BRWD1: variants seen among roughly 807,000 people sequenced by gnomAD.
The protein encoded by BRWD1 is bromodomain and WD repeat domain containing 1.
A neutral mutation model predicts 251.2 loss-of-function variants in BRWD1; 82 were observed. The observed-to-expected ratio is 0.33, with a 90% CI of 0.27 to 0.39. The LOEUF (loss-of-function observed/expected upper bound fraction) is 0.39, where lower values mean the gene tolerates loss of function less well. BRWD1 is among the 10% of genes least tolerant of loss of function. The pLI is 1.00. For missense variants in BRWD1, 2,233 were observed against 2,711.6 expected, an observed-to-expected ratio of 0.82 and a Z score of 3.92; for synonymous variants, 918 against 902.8, an observed-to-expected ratio of 1.02 and a Z score of -0.30.
rs537878751 is a variant in BRWD1, at chr21:39,236,335, G to A, written c.2766+260C>T. Among the ~76,000 whole-genome samples the A allele has an allele frequency of 5.9e-5, 9 of 152,088 alleles. No homozygotes were observed. In the East Asian group the frequency reaches 1.4e-3, roughly 23 times the overall value. Reference sequence around the variant, plus strand: ...GGCCCCAGAGCTCCTGCTATCCACAGGGGTTGAAAGTAGGAGACAGAGGAG... The same window carrying A: ...GGCCCCAGAGCTCCTGCTATCCACAAGGGTTGAAAGTAGGAGACAGAGGAG... On this transcript the variant is annotated intron_variant, in intron 23 of 40. Coordinates refer to ENST00000342449, the MANE Select transcript of BRWD1 (RefSeq NM_033656.4).
Position 39,196,533 on chromosome 21 carries a change from C to T in BRWD1, c.6536G>A (p.Arg2179Lys). The T allele has an allele frequency of 6.2e-7, 1 of 1,613,526 alleles. No individual in the cohort carries two copies. Among genetic ancestry groups the T allele is most frequent in the Non-Finnish European group, 8.5e-7 (1 of 1,179,756 alleles). ...TACTTTTGCTTTTCCTTTCGTTTTC[C>T]TCCTTTTGGTTTTTGTATTATCAGT... ...DCTDNTKTKR[R>K]KTKGKAKVVR... is the part of the protein sequence containing the mutation. Residue 2179 changes from arginine to lysine, a missense_variant, in exon 41 of 41, where the codon AGG (arginine) becomes AAG (lysine). Arg to Lys is a conservative substitution (Grantham distance 26). Coordinates refer to ENST00000342449, the MANE Select transcript of BRWD1 (RefSeq NM_033656.4).
chr21:39,190,861 A>AT lies in BRWD1; in HGVS notation c.*5397dup, dbSNP rs908440406. 2 of 985,210 alleles carry AT rather than the reference A, an allele frequency of 2.0e-6. No homozygotes were observed. Among genetic ancestry groups the AT allele is most frequent in the Non-Finnish European group, 2.4e-6 (2 of 829,890 alleles). 61.0% of individuals were successfully genotyped at this position (985,210 alleles called of 1,614,324 possible). On this transcript the variant is annotated 3_prime_UTR_variant, in exon 41 of 41. Coordinates refer to ENST00000342449, the MANE Select transcript of BRWD1 (RefSeq NM_033656.4). ...CATGAACTAGTTCATTAGCTTATTCATTTTTAGGGTTCATTTACTCAATGA... is the reference window on the plus strand; with the variant it reads ...CATGAACTAGTTCATTAGCTTATTCATTTTTTAGGGTTCATTTACTCAATGA...
rs1405144877 is a variant in BRWD1 at position 39,190,180 on chromosome 21, A to G, written c.*6079T>C. The G allele has an allele frequency of 4.1e-6, 4 of 984,670 alleles. No homozygotes were observed. Among genetic ancestry groups the G allele is most frequent in the Non-Finnish European group, 3.6e-6 (3 of 829,364 alleles). 61.0% of individuals were successfully genotyped at this position (984,670 alleles called of 1,614,324 possible). ...ATACAAACATAACAGTTCTGACTCA[A>G]CACAATCTCTAGTTTCTACATTTCA... On this transcript the variant is annotated 3_prime_UTR_variant, in exon 41 of 41. Transcript: ENST00000342449.
In BRWD1 at chr21:39,186,546, C is replaced by T. The variant is rs1229557840; in HGVS notation, c.*9713G>A. On this transcript the variant is annotated 3_prime_UTR_variant, in exon 41 of 41. Transcript: ENST00000342449. ...GCTTCACTCAGAAGTCAAATAGGCC[C>T]ATTAGCACTTCCTTTGGAAAAATGC... 3 of 152,256 alleles carry T rather than the reference C, an allele frequency of 2.0e-5. No homozygotes were observed. The highest frequency in any genetic ancestry group is 4.4e-5 in the Non-Finnish European group (3 of 68,134). 9.4% of individuals were successfully genotyped at this position (152,256 alleles called of 1,614,324 possible). A position where few individuals can be genotyped will look rare whatever the true frequency, so the allele number is the denominator to read the frequency against.
intron 19 of BRWD1, among the ~76,000 whole-genome samples, chr21:39,254,445 T>C (rs1011199687): frequency 6.6e-6 from 1 of 152,160 alleles, no homozygotes; most frequent in Non-Finnish European, 1.5e-5. Context: ...TCCTCATGGC[T>C]AGAAAAGAGA....
chr21:39,194,849 G>C lies in BRWD1; in HGVS notation c.*1410C>G. On this transcript the variant is annotated 3_prime_UTR_variant, in exon 41 of 41. Coordinates refer to ENST00000342449, the MANE Select transcript of BRWD1 (RefSeq NM_033656.4). ...TCTGCCACTTCAAAGATACACAGGA[G>C]AAAAGGGTTAATTTTGTCTGAAATC... The C allele has an allele frequency of 6.5e-7, 1 of 1,533,476 alleles. No individual in the cohort carries two copies. The highest frequency in any genetic ancestry group is 8.7e-7 in the Non-Finnish European group (1 of 1,144,932). The allele number at this position is 1,533,476 out of a possible 1,614,324, so 95.0% of individuals were successfully genotyped here. A position where few individuals can be genotyped will look rare whatever the true frequency, so the allele number is the denominator to read the frequency against.
At chr21:39,254,337 T>C (rs7280298) in intron 19 of BRWD1, among the ~76,000 whole-genome samples, 1 of 152,324 alleles carries the variant, frequency 6.6e-6, no homozygotes, top group Admixed American at 6.5e-5. Context: ...GTCAAAAATT[T>C]ACAAGATGAA....
chr21:39,187,412 CA>C lies in BRWD1; in HGVS notation c.*8846del. The stretch of plus-strand genomic sequence containing the variant: ...GTATTGGGTTCTCTGTCTCTAGGAA[CA>C]AATTCTGAAAAATGAGTGAAAGTTC... On this transcript the variant is annotated 3_prime_UTR_variant, in exon 41 of 41. Transcript: ENST00000342449. The C allele has an allele frequency of 6.5e-7, 1 of 1,546,040 alleles. No individual in the cohort carries two copies. Among genetic ancestry groups the C allele is most frequent in the Non-Finnish European group, 8.7e-7 (1 of 1,149,928 alleles).
At chr21:39,213,653 C>T (rs147335700) in intron 32 of BRWD1, 100 bp from the exon 33 acceptor site, 5 of 684,956 alleles carry the variant, frequency 7.3e-6, no homozygotes, top group Admixed American at 3.3e-5. Flanking sequence ...CCAACCTATA[C>T]GTGCCTAATT....
chr21:39,317,541 A>G (rs956711325), upstream of BRWD1, among the ~76,000 whole-genome samples: 5 of 152,232 alleles, frequency 3.3e-5, no homozygotes, highest in Non-Finnish European at 7.3e-5. Context: ...CCAAGTAGAC[A>G]GTATTATCTT....
chr21:39,276,224 G>A lies in BRWD1; in HGVS notation c.1105-11C>T, dbSNP rs750881683. The A allele has an allele frequency of 1.6e-5, 26 of 1,590,442 alleles. No homozygotes were observed. Among genetic ancestry groups the A allele is most frequent in the Non-Finnish European group, 2.1e-5 (24 of 1,164,556 alleles). On this transcript the variant is annotated splice_polypyrimidine_tract_variant and intron_variant, in intron 11 of 40. Coordinates refer to ENST00000342449, the MANE Select transcript of BRWD1 (RefSeq NM_033656.4). ...ACTATCTACTTTATCCTAAAGGGGG[G>A]AAAAGGACAAATACAAAAATGATCA...
chr21:39,290,415 C>T (rs936708625), intron 8 of BRWD1, among the ~76,000 whole-genome samples: 3 of 151,290 alleles, frequency 2.0e-5, no homozygotes, highest in African/African-American at 4.9e-5. Context: ...CACTTGAACC[C>T]ATGAGGCAGA....
chr21:39,298,395 T>C, intron 5 of BRWD1, 37 bp downstream of exon 5: 3 of 1,521,982 alleles, frequency 2.0e-6, no homozygotes, highest in Non-Finnish European at 2.6e-6. Flanking sequence ...TATTAGGCTA[T>C]TAATACAAAG....
At chr21:39,288,152 T>G (rs2035699604) in intron 8 of BRWD1, among the ~76,000 whole-genome samples, 2 of 152,232 alleles carry the variant, frequency 1.3e-5, no homozygotes, top group African/African-American at 4.8e-5. Context: ...CATCAGTTAT[T>G]ACCATGAAGA....
intron 31 of BRWD1, 100 bp from the exon 32 acceptor site, chr21:39,215,462 T>C (rs1027707972): frequency 9.4e-7 from 1 of 1,067,116 alleles, no homozygotes. Context: ...AAATAATAAT[T>C]AAACCATAAG....
At chr21:39,318,524 A>G (rs753251098), upstream of BRWD1, among the ~76,000 whole-genome samples, 1 of 152,222 alleles carries the variant, frequency 6.6e-6, no homozygotes, top group Non-Finnish European at 1.5e-5. Context: ...ACACTATACC[A>G]CAAACTGGAT....
chr21:39,274,242 T>C, intron 13 of BRWD1, 132 bp downstream of exon 13: 1 of 682,314 alleles, frequency 1.5e-6, no homozygotes, highest in Non-Finnish European at 2.6e-6. Context: ...ATACCACAGC[T>C]CTTCGTAATA....
chr21:39,314,770 ACTC>A (rs2036662552), upstream of BRWD1: 1 of 183,846 alleles, frequency 5.4e-6, no homozygotes, highest in East Asian at 1.6e-4. Flanking sequence ...TTCGGGTCAG[ACTC>A]TAGGGCAGGA....
At chr21:39,304,814 G>C (rs541976930) in intron 4 of BRWD1, among the ~76,000 whole-genome samples, 1 of 151,986 alleles carries the variant, frequency 6.6e-6, no homozygotes, top group Non-Finnish European at 1.5e-5. Flanking sequence ...CAGATGGGAA[G>C]ACAAGAAGAT....
Sources: allele counts gnomAD v4.1 joint callset (sites outside exome capture counted in the v4.1 genomes callset), GRCh38; gene constraint gnomAD v4.1.1; transcripts MANE v1.5; gene names NCBI Gene and HGNC (gene_info 2026-07-23, HGNC 2026-07-21).